SNAPC4: variants seen among roughly 807,000 people sequenced by gnomAD.
SNAPC4 encodes the protein snRNA-activating protein complex subunit 4.
In SNAPC4, 127 loss-of-function variants were observed where a neutral mutation model predicts 151.3. That is an observed-to-expected ratio of 0.84 (90% CI 0.73 to 0.97). The LOEUF (loss-of-function observed/expected upper bound fraction) is 0.97. SNAPC4 is among the 50% of genes least tolerant of loss of function. The pLI, the probability that SNAPC4 is intolerant of heterozygous loss-of-function variation, is 0.00. For missense variants in SNAPC4, 2,186 were observed against 1,935.0 expected (o/e 1.13, Z -2.43); for synonymous variants, 1,002 against 824.4 (o/e 1.22, Z -3.69).
intron 9 of SNAPC4, 92 bp downstream of exon 9, chr9:136,392,430 G>C (rs1054368752): frequency 1.6e-6 from 2 of 1,232,922 alleles, no homozygotes; most frequent in Non-Finnish European, 2.4e-6. Context: ...TTGCCAGGGA[G>C]GGTGTGGCCT....
At position 136,392,785 on chromosome 9, in the gene SNAPC4, G is replaced by A. The variant is rs1371178565; in HGVS notation, c.633-8C>T. On this transcript the variant is annotated splice_region_variant and splice_polypyrimidine_tract_variant and intron_variant, in intron 7 of 23. Coordinates refer to ENST00000684778, the MANE Select transcript of SNAPC4 (RefSeq NM_003086.4). ...TGGTGCAAGTACTCGAGCCTGCAAA[G>A]CAGAGCAGAGGCAGAAGGGCTGGGG... 1 of 1,612,410 alleles carries A rather than the reference G, an allele frequency of 6.2e-7. No homozygotes were observed. The highest frequency in any genetic ancestry group is 8.5e-7 in the Non-Finnish European group (1 of 1,179,224).
chr9:136,390,551 T>TC (rs1318046177), intron 10 of SNAPC4, among the ~76,000 whole-genome samples: 27 of 42,172 alleles, frequency 6.4e-4, no homozygotes, highest in African/African-American at 2.7e-3. Flanking sequence ...TGAGACTCTG[T>TC]TTGAAAAAAA....
chr9:136,390,554 G>GAAAAAAAAAA (rs58732608), intron 10 of SNAPC4, among the ~76,000 whole-genome samples: 1 of 48,802 alleles, frequency 2.0e-5, no homozygotes, highest in Admixed American at 3.3e-4. Flanking sequence ...GACTCTGTTT[G>GAAAAAAAAAA]AAAAAAAAAA....
chr9:136,387,622 C>T (rs369484205), intron 12 of SNAPC4, 43 bp from the exon 13 acceptor site: 56 of 1,471,056 alleles, frequency 3.8e-5, no homozygotes, highest in South Asian at 6.8e-5. Flanking sequence ...TCTGCAGGTA[C>T]GGCTGCAGCC....
At position 136,378,877 on chromosome 9, in the gene SNAPC4, T is replaced by C. The variant is rs774194859; in HGVS notation, c.2950A>G (p.Met984Val). The stretch of plus-strand genomic sequence containing the variant: ...ACAGGAGCGAGGGGCAGGGCTTGCA[T>C]GGTGGAGAGTCTCTTGTCCTTGGCT... ...TSAKDKRLSTMQALPLAPVFS... is the reference protein window; with the variant it reads ...TSAKDKRLSTVQALPLAPVFS... The change falls in exon 22 of 24, where the codon ATG becomes GTG. Residue 984 changes from methionine (M) to valine (V), a missense_variant. Physicochemically the swap from Met to Val is conservative, Grantham distance 21. Transcript: ENST00000684778. 6 of 1,611,030 alleles carry C rather than the reference T, an allele frequency of 3.7e-6. No homozygotes were observed. The highest frequency in any genetic ancestry group is 5.1e-6 in the Non-Finnish European group (6 of 1,179,444).
At position 136,379,859 on chromosome 9, in the gene SNAPC4, G is replaced by A. The variant is rs920624154; in HGVS notation, c.2505C>T (p.Ser835=). The change falls in exon 21 of 24, where the codon TCC becomes TCT. Residue 835 remains serine, a synonymous_variant. Coordinates refer to ENST00000684778, the MANE Select transcript of SNAPC4 (RefSeq NM_003086.4). ...RDPPVHLLQA[S]SSAQSTPGHL... ...TACCTGGGGTGCTCTGGGCACTTGA[G>A]GATGCCTGGAAATGAAAGAGAGGAG... The A allele has an allele frequency of 1.2e-6, 2 of 1,613,100 alleles. No homozygotes were observed. The highest frequency in any genetic ancestry group is 1.7e-6 in the Non-Finnish European group (2 of 1,179,592).
intron 21 of SNAPC4, 22 bp downstream of exon 21, chr9:136,379,815 C>G (rs746205583): frequency 4.3e-6 from 7 of 1,610,916 alleles, no homozygotes; most frequent in East Asian, 2.2e-5. Flanking sequence ...TCTTCCCCAC[C>G]AGGGCAGAGA....
At chr9:136,397,046 C>T (rs1239291409) in intron 2 of SNAPC4, 23 bp from the exon 3 acceptor site, 28 of 1,609,620 alleles carry the variant, frequency 1.7e-5, no homozygotes, top group East Asian at 2.2e-5. Flanking sequence ...CAAGCAACAC[C>T]GTGTTGGTAA....
rs1201124387 is a variant in SNAPC4, at chr9:136,383,609, A to G, written c.1560T>C (p.Ser520=). The G allele has an allele frequency of 6.2e-7, 1 of 1,612,132 alleles. No individual in the cohort carries two copies. ...RRARHSVRWS[S]TSSSGSSSGS... ...CACTGCTGCTGCCGCTGCTGCTGGT[A>G]GAGCTCCACCGGACGCTGTGACGGG... The change falls in exon 16 of 24, where the codon TCT becomes TCC. Residue 520 remains serine (S), a synonymous_variant. Coordinates refer to ENST00000684778, the MANE Select transcript of SNAPC4 (RefSeq NM_003086.4). The surrounding 1 kb of genome is among the most constrained non-coding windows in gnomAD (Gnocchi z 4.2).
intron 6 of SNAPC4, 96 bp downstream of exon 6, chr9:136,394,704 G>A: frequency 4.5e-6 from 5 of 1,106,560 alleles, no homozygotes; most frequent in Non-Finnish European, 5.4e-6. Context: ...TCACAACAGA[G>A]AGAGGTCTGA....
rs1834345720 is a variant in SNAPC4, at chr9:136,398,376, T to C, written c.53A>G (p.Glu18Gly). ...EKITQEIKELERILDPGSSGS... is the reference protein window; with the variant it reads ...EKITQEIKELGRILDPGSSGS... ...CGAGGAGCCGGGATCCAAAATCCTT[T>C]CCAGCTCCTTGATCTCCTGTGTTAT... Residue 18 changes from glutamate to glycine, a missense_variant, in exon 2 of 24, where the codon GAA (glutamate) becomes GGA (glycine). Physicochemically the swap from Glu to Gly is moderately conservative, Grantham distance 98 (BLOSUM62 -2). Coordinates refer to ENST00000684778, the MANE Select transcript of SNAPC4 (RefSeq NM_003086.4). The C allele has an allele frequency of 3.1e-6, 5 of 1,613,868 alleles. No individual in the cohort carries two copies. The highest frequency in any genetic ancestry group is 4.2e-6 in the Non-Finnish European group (5 of 1,179,930).
At chr9:136,387,650 G>C (rs1230202634) in intron 12 of SNAPC4, 71 bp from the exon 13 acceptor site, 2 of 1,395,488 alleles carry the variant, frequency 1.4e-6, no homozygotes, top group Non-Finnish European at 2.0e-6. Context: ...CCTGAACCCA[G>C]TCAGAGAAGG....
At chr9:136,382,097 GGGCCCATGGCCAGGCTC>G in intron 17 of SNAPC4, 24 bp from the exon 18 acceptor site, 1 of 1,565,878 alleles carries the variant, frequency 6.4e-7, no homozygotes, top group African/African-American at 1.4e-5. Flanking sequence ...GCAGCACCTG[GGGCCCATGGCCAGGCTC>G]GGCCCCCGGA....
rs79283598 is a variant in SNAPC4, at chr9:136,377,593, C to A, written c.4234G>T (p.Ala1412Ser). Residue 1412 changes from alanine to serine, a missense_variant, in exon 22 of 24, where the codon GCA becomes TCA. Transcript: ENST00000684778. ...DEDLLSELEL[A>S]DRDGQPGCTT... ...CAGCCCGGCTGCCCGTCCCTGTCTGCAAGTTCCAGCTCACTCAGGAGGTCT... is the reference window on the plus strand; with the variant it reads ...CAGCCCGGCTGCCCGTCCCTGTCTGAAAGTTCCAGCTCACTCAGGAGGTCT... 0.03 allele frequency: 45,364 copies of A among 1,531,450 alleles called. 782 individuals carry two copies. Among genetic ancestry groups the A allele is most frequent in the Non-Finnish European group, 0.035 (39,736 of 1,136,906 alleles). 94.9% of individuals were successfully genotyped at this position (1,531,450 alleles called of 1,614,324 possible). A position where few individuals can be genotyped will look rare whatever the true frequency, so the allele number is the denominator to read the frequency against.
chr9:136,376,587 G>A (rs1281574271), intron 22 of SNAPC4, 106 bp from the exon 23 acceptor site: 3 of 1,362,022 alleles, frequency 2.2e-6, no homozygotes, highest in Middle Eastern at 1.8e-4. Flanking sequence ...TGTCCCACTT[G>A]GGACAGGGCA....
chr9:136,381,442 C>G, intron 18 of SNAPC4, 50 bp from the exon 19 acceptor site: 1 of 1,500,238 alleles, frequency 6.7e-7, no homozygotes, highest in South Asian at 1.1e-5. Flanking sequence ...CCCATGGGCA[C>G]AGGGGGATGG....
intron 3 of SNAPC4, 24 bp from the exon 4 acceptor site, chr9:136,395,794 T>C (rs770679073): frequency 2.1e-5 from 34 of 1,601,040 alleles, no homozygotes; most frequent in Non-Finnish European, 2.7e-5. Context: ...AGAAATGGCA[T>C]GTGACGAGAT....
Position 136,388,607 on chromosome 9 carries a change from C to G in SNAPC4, c.976-16G>C. The G allele has an allele frequency of 6.2e-7, 1 of 1,613,808 alleles. No individual in the cohort carries two copies. Among genetic ancestry groups the G allele is most frequent in the Non-Finnish European group, 8.5e-7 (1 of 1,179,958 alleles). ...TGCGGCTGGTCTTCCCAGGCCCAAA[C>G]AAAAGCAAATGAGTGTTACTGCGCG... is the stretch of plus-strand genomic sequence containing the variant. On this transcript the variant is annotated splice_polypyrimidine_tract_variant and intron_variant, in intron 10 of 23. Coordinates refer to ENST00000684778, the MANE Select transcript of SNAPC4 (RefSeq NM_003086.4).
At chr9:136,395,872 A>G in intron 3 of SNAPC4, 102 bp from the exon 4 acceptor site, 1 of 1,195,956 alleles carries the variant, frequency 8.4e-7, no homozygotes, top group Non-Finnish European at 1.2e-6. Flanking sequence ...ACACCGAGGC[A>G]GCTCTGGCAT....
Sources: allele counts gnomAD v4.1 joint callset (sites outside exome capture counted in the v4.1 genomes callset), GRCh38; gene constraint gnomAD v4.1.1; non-coding constraint Gnocchi (gnomAD v3.1); transcripts MANE v1.5; gene names NCBI Gene and HGNC (gene_info 2026-07-23, HGNC 2026-07-21).